The following STXBP5 variants were observed in gnomAD, a reference collection of about 807,000 sequenced individuals.
STXBP5 encodes syntaxin-binding protein 5.
STXBP5 carries 50 observed loss-of-function variants against 152.4 expected under a neutral mutation model. The observed-to-expected ratio is 0.33, with a 90% CI of 0.26 to 0.42. The LOEUF (loss-of-function observed/expected upper bound fraction) is 0.42, where lower values mean the gene tolerates loss of function less well. Among genes scored for constraint, STXBP5 ranks in the 10% least tolerant of loss-of-function variants. The pLI is 1.00. For missense variants in STXBP5, 1,167 were observed against 1,388.6 expected, an observed-to-expected ratio of 0.84 and a Z score of 2.54; for synonymous variants, 492 against 494.7, an observed-to-expected ratio of 0.99 and a Z score of 0.07.
intron 4 of STXBP5, among the ~76,000 whole-genome samples, chr6:147,241,903 A>G (rs2115222003): frequency 6.6e-6 from 1 of 152,336 alleles, no homozygotes; most frequent in Non-Finnish European, 1.5e-5. Flanking sequence ...AATGATAACA[A>G]ATGACTGTTA....
intron 22 of STXBP5, among the ~76,000 whole-genome samples, chr6:147,357,812 A>T (rs1784881057): frequency 6.6e-6 from 1 of 152,150 alleles, no homozygotes; most frequent in Non-Finnish European, 1.5e-5. Context: ...TCATTAATAT[A>T]AATAGTGCCA....
chr6:147,334,020 A>G, intron 18 of STXBP5, 137 bp from the exon 19 acceptor site: 2 of 659,346 alleles, frequency 3.0e-6, no homozygotes, highest in South Asian at 2.7e-5. Flanking sequence ...CCCAATGTGC[A>G]TGGTATCAGT....
At chr6:147,302,826 A>G (rs1202915249) in intron 9 of STXBP5, among the ~76,000 whole-genome samples, 1 of 152,178 alleles carries the variant, frequency 6.6e-6, no homozygotes, top group Non-Finnish European at 1.5e-5. Flanking sequence ...CTGGCGTATA[A>G]CATGTATTTG....
chr6:147,216,350 C>T (rs1303572919), intron 2 of STXBP5, among the ~76,000 whole-genome samples: 2 of 152,126 alleles, frequency 1.3e-5, no homozygotes, highest in African/African-American at 2.4e-5. Flanking sequence ...TGAGACTGCG[C>T]CACTGCACTC....
chr6:147,304,655 A>C (rs1333134479), intron 9 of STXBP5, among the ~76,000 whole-genome samples: 1 of 152,044 alleles, frequency 6.6e-6, no homozygotes, highest in African/African-American at 2.4e-5. Flanking sequence ...CTCAACACCA[A>C]CCCATGAAAG....
intron 23 of STXBP5, 150 bp downstream of exon 23, chr6:147,359,473 A>G: frequency 1.0e-6 from 1 of 994,152 alleles, no homozygotes; most frequent in Non-Finnish European, 1.4e-6. Context: ...TTTTTTAATT[A>G]TTATACTTTA....
At chr6:147,338,498 C>T (rs1339997869) in intron 19 of STXBP5, among the ~76,000 whole-genome samples, 1 of 151,432 alleles carries the variant, frequency 6.6e-6, no homozygotes, top group African/African-American at 2.4e-5. Flanking sequence ...TAAAGAAATA[C>T]TATGAGAAAT....
chr6:147,325,906 TA>T (rs1215450329), intron 17 of STXBP5, among the ~76,000 whole-genome samples: 9 of 152,090 alleles, frequency 5.9e-5, no homozygotes, highest in Non-Finnish European at 7.4e-5. Flanking sequence ...ATACAACAAT[TA>T]AAAAAAATTT....
At chr6:147,267,282 C>A in intron 7 of STXBP5, 115 bp downstream of exon 7, 2 of 742,922 alleles carry the variant, frequency 2.7e-6, no homozygotes, top group East Asian at 2.7e-5. Flanking sequence ...CAGTAATACA[C>A]AATTTATTTT....
In STXBP5 at chr6:147,289,017, T is replaced by C. The variant is rs1210021503; in HGVS notation, c.839-2077T>C. On this transcript the variant is annotated intron_variant, in intron 8 of 27. Transcript: ENST00000321680. ...GGCTTCCCTCTGTTTTCCAGTGGAGTGCCCCCCGAAGGTCATACTCCACCA... is the reference window on the plus strand; with the variant it reads ...GGCTTCCCTCTGTTTTCCAGTGGAGCGCCCCCCGAAGGTCATACTCCACCA... 3.3e-5 allele frequency among the ~76,000 whole-genome samples: 5 copies of C among 152,074 alleles called. 1 individual carries two copies. In the South Asian group the frequency reaches 8.3e-4, roughly 25 times the overall value.
chr6:147,341,169 AC>A (rs1039562972), intron 21 of STXBP5, among the ~76,000 whole-genome samples: 8 of 151,936 alleles, frequency 5.3e-5, no homozygotes, highest in African/African-American at 1.2e-4. Flanking sequence ...CCCATTTTAG[AC>A]TGTAAAGTTT....
intron 21 of STXBP5, among the ~76,000 whole-genome samples, chr6:147,350,228 A>G (rs965716188): frequency 6.6e-6 from 1 of 152,116 alleles, no homozygotes. Context: ...AATAAATTTA[A>G]AATAGTACTA....
rs1782603579 is a variant in STXBP5, at chr6:147,315,625, C to G, written c.1513C>G (p.Gln505Glu). ...TGTAGATGAAGATCCATATGCCATT[C>G]AGATCATCTCCTGGTGTCCAGAAAG... ...DIVDEDPYAI[Q>E]IISWCPESRM... The change falls in exon 15 of 28, where the codon CAG (glutamine) becomes GAG (glutamate). Residue 505 changes from glutamine to glutamate, a missense_variant. Physicochemically the swap from Gln to Glu is conservative, Grantham distance 29 (BLOSUM62 2). Transcript: ENST00000321680. 3.7e-6 allele frequency: 6 copies of G among 1,613,768 alleles called. No homozygotes were observed. The highest frequency in any genetic ancestry group is 5.1e-6 in the Non-Finnish European group (6 of 1,179,888).
At chr6:147,256,545 T>C (rs953078018) in intron 4 of STXBP5, among the ~76,000 whole-genome samples, 1 of 152,120 alleles carries the variant, frequency 6.6e-6, no homozygotes, top group African/African-American at 2.4e-5. Context: ...TCACTAAATA[T>C]GGTTTAAGAA....
At chr6:147,293,187 C>G (rs1322551751) in intron 9 of STXBP5, 1 of 152,088 alleles carries the variant, frequency 6.6e-6, no homozygotes, top group Non-Finnish European at 1.5e-5. Flanking sequence ...GTAAGTTACA[C>G]TCTATGATGT....
chr6:147,370,180 T>C (rs912765505), intron 25 of STXBP5, among the ~76,000 whole-genome samples: 2 of 151,964 alleles, frequency 1.3e-5, no homozygotes, highest in Non-Finnish European at 2.9e-5. Context: ...ATATAAAAAC[T>C]CAAGAAAATA....
At position 147,292,172 on chromosome 6, in the gene STXBP5, A is replaced by G. The variant is rs1444994480; in HGVS notation, c.917+1000A>G. 2.1e-5 allele frequency: 9 copies of G among 423,232 alleles called. No homozygotes were observed. The Middle Eastern group carries it at 1.0e-3, about 48-fold the overall frequency. The allele number at this position is 423,232 out of a possible 1,614,324, so 26.2% of individuals were successfully genotyped here. A position where few individuals can be genotyped will look rare whatever the true frequency, so the allele number is the denominator to read the frequency against. ...CTTTTTAATCTCCCCTCCCATTTCA[A>G]TTCAACTCATTTGAGTAAAGGTACC... On this transcript the variant is annotated intron_variant, in intron 9 of 27. Coordinates refer to ENST00000321680, the MANE Select transcript of STXBP5 (RefSeq NM_001127715.4).
intron 7 of STXBP5, among the ~76,000 whole-genome samples, chr6:147,269,518 T>G (rs1780052965): frequency 6.6e-6 from 1 of 151,920 alleles, no homozygotes; most frequent in Non-Finnish European, 1.5e-5. Context: ...CAACCCATAA[T>G]GAGAAGAAAA....
intron 23 of STXBP5, among the ~76,000 whole-genome samples, chr6:147,360,270 C>T (rs1036791949): frequency 1.2e-4 from 18 of 152,160 alleles, no homozygotes; most frequent in African/African-American, 4.3e-4. Context: ...CTAGAAATAC[C>T]ATTTGACCCA....
Sources: gnomAD v4.1 joint callset for allele counts (sites outside exome capture counted in the v4.1 genomes callset) on GRCh38, gnomAD v4.1.1 for gene constraint, MANE v1.5 for transcripts, NCBI Gene and HGNC (gene_info 2026-07-23, HGNC 2026-07-21) for gene names.